PLCL1: variants seen among roughly 807,000 people sequenced by gnomAD.
The protein encoded by PLCL1 is phospholipase C like 1 (inactive), also known as inactive phospholipase C-like protein 1.
PLCL1 carries 41 observed loss-of-function variants against 84.4 expected under a neutral mutation model. That is an observed-to-expected ratio of 0.49 (90% CI 0.38 to 0.63). The LOEUF (loss-of-function observed/expected upper bound fraction) is 0.63. PLCL1 is among the 30% of genes least tolerant of loss of function. PLCL1 has a pLI of 0.00. For missense variants in PLCL1, 1,206 were observed against 1,367.8 expected, an observed-to-expected ratio of 0.88 and a Z score of 1.87; for synonymous variants, 490 against 488.3, an observed-to-expected ratio of 1.00 and a Z score of -0.05.
At chr2:198,143,969 G>A (rs887837037) in intron 5 of PLCL1, among the ~76,000 whole-genome samples, 2 of 151,806 alleles carry the variant, frequency 1.3e-5, no homozygotes, top group African/African-American at 4.8e-5. Context: ...TGATGTAGTT[G>A]TGTTAGTTAT....
intron 1 of PLCL1, among the ~76,000 whole-genome samples, chr2:197,917,477 GT>G (rs951052261): frequency 1.4e-4 from 21 of 152,204 alleles, no homozygotes; most frequent in African/African-American, 4.6e-4. Context: ...AGGAAGCAGG[GT>G]TGAGTAGGTG....
chr2:197,991,019 G>A lies in PLCL1; in HGVS notation c.241-92739G>A, dbSNP rs116058925. ...TTACGGTCAATTTGAGTGGGCCATC[G>A]GGTGCCCAGATTAAACATTGTTTCT... On this transcript the variant is annotated intron_variant, in intron 1 of 5. Coordinates refer to ENST00000428675, the MANE Select transcript of PLCL1 (RefSeq NM_006226.4). Among the ~76,000 whole-genome samples the A allele has an allele frequency of 6.1e-3, 930 of 152,214 alleles. 14 individuals carry two copies. The highest frequency in any genetic ancestry group is 0.021 in the African/African-American group (886 of 41,540).
intron 1 of PLCL1, among the ~76,000 whole-genome samples, chr2:197,908,888 TAATTG>T (rs1231899943): frequency 6.6e-6 from 1 of 152,260 alleles, no homozygotes; most frequent in African/African-American, 2.4e-5. Context: ...AATATTCTTA[TAATTG>T]ATTTAAGAAT....
chr2:197,835,845 C>T (rs769959786), intron 1 of PLCL1, among the ~76,000 whole-genome samples: 15 of 152,218 alleles, frequency 9.9e-5, no homozygotes, highest in Middle Eastern at 3.4e-3. Context: ...AATATTAACT[C>T]ATTTTTTTCA....
chr2:197,893,194 C>CT (rs1688064264), intron 1 of PLCL1, among the ~76,000 whole-genome samples: 1 of 152,154 alleles, frequency 6.6e-6, no homozygotes, highest in Non-Finnish European at 1.5e-5. Context: ...ATATCTGTAA[C>CT]TTTAGAGTAC....
chr2:197,821,383 C>T (rs1309496776), intron 1 of PLCL1, among the ~76,000 whole-genome samples: 2 of 152,162 alleles, frequency 1.3e-5, no homozygotes, highest in African/African-American at 2.4e-5. Context: ...GAGGCTATGT[C>T]GCTCTGACAA....
chr2:197,917,219 A>G (rs1574947476), intron 1 of PLCL1, among the ~76,000 whole-genome samples: 1 of 152,248 alleles, frequency 6.6e-6, no homozygotes, highest in East Asian at 1.9e-4. Flanking sequence ...TGACAGCTTT[A>G]TTAATAATTT....
At chr2:197,918,307 C>T (rs1688633851) in intron 1 of PLCL1, among the ~76,000 whole-genome samples, 1 of 152,126 alleles carries the variant, frequency 6.6e-6, no homozygotes, top group Non-Finnish European at 1.5e-5. Flanking sequence ...GAAACTATCA[C>T]AGCCGAGAGG....
chr2:198,110,949 AAAC>A, intron 5 of PLCL1, among the ~76,000 whole-genome samples: 1 of 151,820 alleles, frequency 6.6e-6, no homozygotes, highest in Admixed American at 6.6e-5. Context: ...ACAGACCTCC[AAAC>A]AACAACAATA....
intron 1 of PLCL1, among the ~76,000 whole-genome samples, chr2:197,970,667 T>C (rs1222388102): frequency 2.6e-5 from 4 of 152,216 alleles, no homozygotes; most frequent in African/African-American, 9.6e-5. Context: ...TTACACATGG[T>C]TTGCATTATC....
intron 1 of PLCL1, among the ~76,000 whole-genome samples, chr2:197,861,286 C>T (rs1016770942): frequency 6.6e-6 from 1 of 152,110 alleles, no homozygotes; most frequent in African/African-American, 2.4e-5. Context: ...AATGAAGCCT[C>T]CATAAAAGCT....
At chr2:198,075,257 C>T (rs1477704751) in intron 1 of PLCL1, among the ~76,000 whole-genome samples, 2 of 151,970 alleles carry the variant, frequency 1.3e-5, no homozygotes, top group Middle Eastern at 3.4e-3. Context: ...CTAAGAGTTG[C>T]GCAGGCTACC....
intron 1 of PLCL1, among the ~76,000 whole-genome samples, chr2:197,879,015 G>A (rs1206106759): frequency 6.6e-6 from 1 of 152,192 alleles, no homozygotes; most frequent in African/African-American, 2.4e-5. Context: ...GGGAATAACT[G>A]GCTGGAGCTG....
intron 1 of PLCL1, among the ~76,000 whole-genome samples, chr2:197,861,823 G>T (rs1219596659): frequency 6.6e-6 from 1 of 152,198 alleles, no homozygotes; most frequent in African/African-American, 2.4e-5. Context: ...TTGAGTGACA[G>T]TATAGGAGAA....
rs141869144 is a variant in PLCL1, at chr2:198,145,160, G to A, written c.3106-1620G>A. ...TTACTGAAGAGTTGCACTTTTCAAA[G>A]TGGATGTGACTTCACTTTTTTTTTT... is the stretch of plus-strand genomic sequence containing the variant. On this transcript the variant is annotated intron_variant, in intron 5 of 5. Coordinates refer to ENST00000428675, the MANE Select transcript of PLCL1 (RefSeq NM_006226.4). 7.4e-3 allele frequency among the ~76,000 whole-genome samples: 1,130 copies of A among 152,262 alleles called. 12 individuals are homozygous for A. Among genetic ancestry groups the A allele is most frequent in the African/African-American group, 0.025 (1,038 of 41,550 alleles).
At chr2:197,903,411 TAC>T (rs973254378) in intron 1 of PLCL1, among the ~76,000 whole-genome samples, 16 of 151,522 alleles carry the variant, frequency 1.1e-4, no homozygotes, top group African/African-American at 3.9e-4. Flanking sequence ...GGCTAAAGGT[TAC>T]ACAGTTTCAG....
At chr2:198,129,370 A>G (rs1486982464) in intron 5 of PLCL1, among the ~76,000 whole-genome samples, 1 of 151,978 alleles carries the variant, frequency 6.6e-6, no homozygotes, top group African/African-American at 2.4e-5. Context: ...TTGCCCAGAC[A>G]CTCCTTTCTA....
chr2:197,834,156 A>G (rs1320790058), intron 1 of PLCL1, among the ~76,000 whole-genome samples: 1 of 152,200 alleles, frequency 6.6e-6, no homozygotes, highest in Non-Finnish European at 1.5e-5. Context: ...CCTTATGCAA[A>G]ATTTAACTCA....
intron 1 of PLCL1, among the ~76,000 whole-genome samples, chr2:197,960,760 T>C (rs184239802): frequency 6.6e-6 from 1 of 152,064 alleles, no homozygotes; most frequent in Non-Finnish European, 1.5e-5. Context: ...ACAAAACAGA[T>C]ACAAATTGTC....
Sources: gnomAD v4.1 joint callset for allele counts (sites outside exome capture counted in the v4.1 genomes callset) on GRCh38, gnomAD v4.1.1 for gene constraint, MANE v1.5 for transcripts, NCBI Gene and HGNC (gene_info 2026-07-23, HGNC 2026-07-21) for gene names.